FAM114A1: variants seen among roughly 807,000 people sequenced by gnomAD.
The protein encoded by FAM114A1 is protein NOXP20.
FAM114A1 carries 62 observed loss-of-function variants against 64.3 expected under a neutral mutation model. The ratio of observed to expected loss-of-function variants is 0.96; its 90% CI spans 0.79 to 1.19. The LOEUF is 1.19. FAM114A1 is among the 50% of genes most tolerant of loss of function. FAM114A1 has a pLI of 0.00. For synonymous variants in FAM114A1, 254 were observed against 251.1 expected, an observed-to-expected ratio of 1.01 and a Z score of -0.11; for missense variants, 645 against 676.3, an observed-to-expected ratio of 0.95 and a Z score of 0.51.
chr4:38,937,885 C>T (rs1721244596), intron 13 of FAM114A1, among the ~76,000 whole-genome samples: 2 of 152,104 alleles, frequency 1.3e-5, no homozygotes, highest in African/African-American at 4.8e-5. Flanking sequence ...CAGGTGCGGG[C>T]CACCACTCCC....
In FAM114A1 at chr4:38,943,904, G is replaced by T; in HGVS notation, c.*347G>T. On this transcript the variant is annotated 3_prime_UTR_variant, in exon 15 of 15. Coordinates refer to ENST00000358869, the MANE Select transcript of FAM114A1 (RefSeq NM_138389.4). ...ACTCATGGGGAGACCTTAGACTTTT[G>T]TTTAATCCTTTATGTTTCAACCTTT... is the stretch of plus-strand genomic sequence containing the variant. The T allele has an allele frequency of 5.4e-6, 1 of 185,984 alleles. No homozygotes were observed. The highest frequency in any genetic ancestry group is 1.2e-5 in the Non-Finnish European group (1 of 86,898). 11.5% of individuals were successfully genotyped at this position (185,984 alleles called of 1,614,324 possible). A position where few individuals can be genotyped will look rare whatever the true frequency, so the allele number is the denominator to read the frequency against.
At chr4:38,876,162 CTTTTTTCTTT>C (rs1714604297) in intron 2 of FAM114A1, among the ~76,000 whole-genome samples, 2 of 99,268 alleles carry the variant, frequency 2.0e-5, no homozygotes, top group Admixed American at 2.2e-4. Flanking sequence ...TAGACTTATT[CTTTTTTCTTT>C]TTTTTTTTTT....
chr4:38,925,685 T>G (rs1720037784), intron 9 of FAM114A1, among the ~76,000 whole-genome samples: 1 of 152,244 alleles, frequency 6.6e-6, no homozygotes, highest in Non-Finnish European at 1.5e-5. Context: ...TTTATCACAC[T>G]GCCATAGATC....
intron 4 of FAM114A1, among the ~76,000 whole-genome samples, chr4:38,897,791 A>G (rs1402344430): frequency 1.3e-5 from 2 of 151,648 alleles, no homozygotes; most frequent in African/African-American, 4.8e-5. Flanking sequence ...AAAAAAAAAT[A>G]CAAAAATTAG....
intron 9 of FAM114A1, among the ~76,000 whole-genome samples, chr4:38,924,444 A>C (rs1229664093): frequency 2.0e-5 from 3 of 152,246 alleles, no homozygotes; most frequent in Non-Finnish European, 4.4e-5. Context: ...TCTTTTAATC[A>C]AAGCTCTGAC....
chr4:38,892,115 G>A (rs6851463), intron 4 of FAM114A1, among the ~76,000 whole-genome samples: 12,586 of 152,252 alleles, frequency 0.083, 731 homozygotes, highest in African/African-American at 0.17. Context: ...CAATTTAAAA[G>A]CCAAGTAGTA....
At chr4:38,876,933 C>T (rs902642693) in intron 2 of FAM114A1, among the ~76,000 whole-genome samples, 1 of 152,234 alleles carries the variant, frequency 6.6e-6, no homozygotes, top group Non-Finnish European at 1.5e-5. Flanking sequence ...TCAAATCTCC[C>T]TCTGCCTCCA....
At chr4:38,929,364 T>TAAAAAAA in intron 10 of FAM114A1, 31 bp downstream of exon 10, 2 of 1,480,970 alleles carry the variant, frequency 1.4e-6, no homozygotes, top group Non-Finnish European at 1.9e-6. Context: ...AGTTTCTGGT[T>TAAAAAAA]AAAAAAAAAC....
intron 6 of FAM114A1, among the ~76,000 whole-genome samples, chr4:38,906,670 G>T (rs1718040114): frequency 6.6e-6 from 1 of 152,078 alleles, no homozygotes; most frequent in Non-Finnish European, 1.5e-5. Context: ...AAGTAGCTGG[G>T]ATTACAGGTG....
At chr4:38,885,607 AC>A (rs1268365171) in intron 3 of FAM114A1, among the ~76,000 whole-genome samples, 2 of 151,968 alleles carry the variant, frequency 1.3e-5, no homozygotes, top group Non-Finnish European at 2.9e-5. Flanking sequence ...ACCATCTAGA[AC>A]CCCTTTCAGA....
intron 10 of FAM114A1, among the ~76,000 whole-genome samples, chr4:38,931,219 G>A (rs1720599894): frequency 6.6e-6 from 1 of 152,082 alleles, no homozygotes; most frequent in Non-Finnish European, 1.5e-5. Flanking sequence ...CCTCAGGCTT[G>A]CATTGTTCTT....
intron 4 of FAM114A1, among the ~76,000 whole-genome samples, 174 bp from the exon 5 acceptor site, chr4:38,905,348 A>G (rs911109621): frequency 7.2e-5 from 11 of 151,894 alleles, no homozygotes; most frequent in Non-Finnish European, 1.6e-4. Context: ...GCAGTGAGCC[A>G]AGATTGCACC....
intron 7 of FAM114A1, among the ~76,000 whole-genome samples, chr4:38,910,363 C>T (rs541026068): frequency 6.6e-6 from 1 of 152,344 alleles, no homozygotes; most frequent in East Asian, 1.9e-4. Flanking sequence ...TTACCTTTCG[C>T]TCTCACAAAG....
intron 4 of FAM114A1, among the ~76,000 whole-genome samples, chr4:38,897,738 A>C (rs1579329284): frequency 6.6e-6 from 1 of 152,038 alleles, no homozygotes; most frequent in South Asian, 2.1e-4. Context: ...TCAGGAGTTC[A>C]AGACCAGCCT....
chr4:38,931,346 C>T, intron 10 of FAM114A1, 105 bp from the exon 11 acceptor site: 1 of 1,320,450 alleles, frequency 7.6e-7, no homozygotes, highest in Non-Finnish European at 1.0e-6. Flanking sequence ...ATACAGAGAT[C>T]CATTCTTGAA....
chr4:38,871,435 T>G (rs1004392041), intron 2 of FAM114A1, among the ~76,000 whole-genome samples: 1 of 152,082 alleles, frequency 6.6e-6, no homozygotes, highest in African/African-American at 2.4e-5. Flanking sequence ...TTAATAAAAT[T>G]TATAAATTAT....
At chr4:38,875,635 C>T (rs6858492) in intron 2 of FAM114A1, among the ~76,000 whole-genome samples, 41,747 of 152,046 alleles carry the variant, frequency 0.27, 6,108 homozygotes, top group African/African-American at 0.31. Flanking sequence ...GTCTTCCTCT[C>T]TTCCTATTTT....
intron 10 of FAM114A1, among the ~76,000 whole-genome samples, chr4:38,930,640 T>G (rs1362055852): frequency 6.6e-6 from 1 of 152,222 alleles, no homozygotes; most frequent in Non-Finnish European, 1.5e-5. Flanking sequence ...ACTCTGATAT[T>G]TTTAACTTTG....
chr4:38,882,986 G>A (rs1715446738), intron 3 of FAM114A1, among the ~76,000 whole-genome samples: 1 of 142,186 alleles, frequency 7.0e-6, no homozygotes, highest in South Asian at 2.1e-4. Flanking sequence ...TATCTTTAGG[G>A]CTTCTTTGCT....
Sources: allele counts gnomAD v4.1 joint callset (sites outside exome capture counted in the v4.1 genomes callset), GRCh38; gene constraint gnomAD v4.1.1; transcripts MANE v1.5; gene names NCBI Gene and HGNC (gene_info 2026-07-23, HGNC 2026-07-21).